PRKD1: variants seen among roughly 807,000 people sequenced by gnomAD.
PRKD1 encodes serine/threonine-protein kinase D1.
A neutral mutation model predicts 95.9 loss-of-function variants in PRKD1; 63 were observed. The observed-to-expected ratio is 0.66, with a 90% CI of 0.54 to 0.81. PRKD1 has a LOEUF of 0.81. Ranked by LOEUF, PRKD1 falls within the 30% of genes least tolerant of loss-of-function variation. The probability of loss-of-function intolerance (pLI) is 0.00; values close to 1 mark genes in which losing one functional copy is unlikely to be tolerated. For missense variants in PRKD1, 1,048 were observed against 1,165.3 expected, an observed-to-expected ratio of 0.90 and a Z score of 1.47; for synonymous variants, 425 against 423.1, an observed-to-expected ratio of 1.00 and a Z score of -0.05.
chr14:29,791,072 C>A (rs1594522247), intron 1 of PRKD1, among the ~76,000 whole-genome samples: 1 of 152,242 alleles, frequency 6.6e-6, no homozygotes, highest in East Asian at 1.9e-4. Context: ...GGGGAAACTT[C>A]AACAAATACA....
chr14:29,875,248 C>T (rs764336051), intron 1 of PRKD1, among the ~76,000 whole-genome samples: 5 of 151,658 alleles, frequency 3.3e-5, no homozygotes, highest in South Asian at 2.1e-4. Context: ...GGTGGGGTGA[C>T]GGGGAAGTAC....
intron 1 of PRKD1, among the ~76,000 whole-genome samples, chr14:29,892,822 G>A (rs1181616198): frequency 6.6e-6 from 1 of 152,176 alleles, no homozygotes; most frequent in Non-Finnish European, 1.5e-5. Context: ...TAAAATTCTA[G>A]ATGGCTTCAT....
intron 1 of PRKD1, among the ~76,000 whole-genome samples, chr14:29,862,112 A>G (rs528300722): frequency 1.3e-5 from 2 of 152,114 alleles, no homozygotes; most frequent in African/African-American, 4.8e-5. Flanking sequence ...GATTCCACAA[A>G]TAACTGAGGA....
intron 1 of PRKD1, among the ~76,000 whole-genome samples, chr14:29,888,118 T>C (rs957853554): frequency 7.9e-5 from 12 of 151,944 alleles, no homozygotes; most frequent in South Asian, 2.1e-4. Flanking sequence ...CTGGAAAACA[T>C]AGGGAGAGCC....
chr14:29,649,920 A>T (rs919500684), intron 4 of PRKD1, among the ~76,000 whole-genome samples: 1 of 152,148 alleles, frequency 6.6e-6, no homozygotes, highest in African/African-American at 2.4e-5. Flanking sequence ...TAGAGCATAC[A>T]GCCTCTACTA....
At chr14:29,631,810 T>G (rs1199258299) in intron 9 of PRKD1, among the ~76,000 whole-genome samples, 2 of 135,144 alleles carry the variant, frequency 1.5e-5, no homozygotes, top group Non-Finnish European at 3.1e-5. Flanking sequence ...ATTTATTTAT[T>G]TTTATTTTTG....
intron 16 of PRKD1, among the ~76,000 whole-genome samples, chr14:29,588,102 C>G (rs1184471619): frequency 6.6e-6 from 1 of 152,206 alleles, no homozygotes. Context: ...TAAACTGTTA[C>G]AAACACAGTT....
At chr14:29,691,321 G>A (rs1471362281) in intron 2 of PRKD1, among the ~76,000 whole-genome samples, 1 of 152,162 alleles carries the variant, frequency 6.6e-6, no homozygotes, top group African/African-American at 2.4e-5. Context: ...GAAATCACCT[G>A]AGGGACTTTT....
chr14:29,713,901 C>A (rs944193053), intron 2 of PRKD1, among the ~76,000 whole-genome samples: 9 of 152,230 alleles, frequency 5.9e-5, no homozygotes, highest in African/African-American at 1.7e-4. Flanking sequence ...AGCTAGTAAA[C>A]GTGGCAGCTA....
At chr14:29,600,050 C>A (rs185710845) in intron 13 of PRKD1, among the ~76,000 whole-genome samples, 97 of 152,154 alleles carry the variant, frequency 6.4e-4, no homozygotes, top group African/African-American at 2.1e-3. Flanking sequence ...TGAAAAAAAT[C>A]CAAGTTCTAG....
chr14:29,826,812 TACAC>T lies in PRKD1; in HGVS notation c.264+100433_264+100436del, dbSNP rs1157312161. Among the ~76,000 whole-genome samples the T allele has an allele frequency of 1.4e-4, 7 of 51,334 alleles. 1 individual carries two copies. Among genetic ancestry groups the T allele is most frequent in the African/African-American group, 1.5e-4 (2 of 13,296 alleles). The allele number at this position is 51,334 out of a possible 152,430, so 33.7% of individuals were successfully genotyped here. A position where few individuals can be genotyped will look rare whatever the true frequency, so the allele number is the denominator to read the frequency against. On this transcript the variant is annotated intron_variant, in intron 1 of 17. Transcript: ENST00000331968. ...ATACACATATATATACACATATATATACACATATATATATATATATATATATACA... is the reference window on the plus strand; with the variant it reads ...ATACACATATATATACACATATATATATATATATATATATATATATATACA...
intron 2 of PRKD1, among the ~76,000 whole-genome samples, chr14:29,716,425 G>A (rs1398751514): frequency 6.6e-6 from 1 of 152,118 alleles, no homozygotes; most frequent in East Asian, 1.9e-4. Flanking sequence ...CTTAGGCAGG[G>A]ACAGCTGTTC....
At chr14:29,587,909 A>G (rs1344078577) in intron 16 of PRKD1, among the ~76,000 whole-genome samples, 1 of 152,198 alleles carries the variant, frequency 6.6e-6, no homozygotes, top group Non-Finnish European at 1.5e-5. Flanking sequence ...TCTGACCACC[A>G]TAATTCACTT....
chr14:29,643,603 A>G (rs1880941855), intron 4 of PRKD1, among the ~76,000 whole-genome samples: 1 of 152,210 alleles, frequency 6.6e-6, no homozygotes, highest in Non-Finnish European at 1.5e-5. Flanking sequence ...CTTAGATTAC[A>G]TTGTGGAAAC....
intron 1 of PRKD1, among the ~76,000 whole-genome samples, chr14:29,776,987 A>G (rs1454954162): frequency 1.3e-5 from 2 of 152,230 alleles, no homozygotes; most frequent in Non-Finnish European, 2.9e-5. Flanking sequence ...GGGGGCCAAT[A>G]TTCAACATTC....
chr14:29,781,291 T>C (rs1889032693), intron 1 of PRKD1, among the ~76,000 whole-genome samples: 1 of 152,074 alleles, frequency 6.6e-6, no homozygotes, highest in Non-Finnish European at 1.5e-5. Flanking sequence ...AGTACAATGA[T>C]AATAATAAAA....
At chr14:29,718,189 G>T (rs1885718908) in intron 2 of PRKD1, among the ~76,000 whole-genome samples, 1 of 152,090 alleles carries the variant, frequency 6.6e-6, no homozygotes, top group Admixed American at 6.6e-5. Flanking sequence ...ATCTTGAATT[G>T]TAATCCCCAC....
chr14:29,837,785 A>C (rs2139308997), intron 1 of PRKD1, among the ~76,000 whole-genome samples: 1 of 152,332 alleles, frequency 6.6e-6, no homozygotes, highest in African/African-American at 2.4e-5. Context: ...AGGTTTGCTA[A>C]CTGTACTTAC....
At chr14:29,616,497 G>A (rs1044263514) in intron 13 of PRKD1, among the ~76,000 whole-genome samples, 12 of 151,798 alleles carry the variant, frequency 7.9e-5, no homozygotes, top group Non-Finnish European at 1.8e-4. Flanking sequence ...AGGCTGGAGT[G>A]CAGTTGTGTG....
Sources: allele counts gnomAD v4.1 joint callset (sites outside exome capture counted in the v4.1 genomes callset), GRCh38; gene constraint gnomAD v4.1.1; transcripts MANE v1.5; gene names NCBI Gene and HGNC (gene_info 2026-07-23, HGNC 2026-07-21).